Variants in E2F4 observed in about 807,000 individuals in gnomAD.
E2F4 encodes the protein transcription factor E2F4.
Under a neutral mutation model 44.5 loss-of-function variants are expected in E2F4, and 16 were observed. The ratio of observed to expected loss-of-function variants is 0.36; its 90% CI spans 0.24 to 0.55. E2F4 has a LOEUF of 0.55. Among genes scored for constraint, E2F4 ranks in the 20% least tolerant of loss-of-function variants. The pLI is 0.87. For missense variants in E2F4, 473 were observed against 522.1 expected, an observed-to-expected ratio of 0.91 and a Z score of 0.92; for synonymous variants, 242 against 207.2, an observed-to-expected ratio of 1.17 and a Z score of -1.44.
At position 67,196,021 on chromosome 16, in the gene E2F4, C is replaced by T; in HGVS notation, c.1033+15C>T. 2 of 1,612,884 alleles carry T rather than the reference C, an allele frequency of 1.2e-6. No homozygotes were observed. The highest frequency in any genetic ancestry group is 8.5e-7 in the Non-Finnish European group (1 of 1,178,876). On this transcript the variant is annotated intron_variant, in intron 7 of 9. Coordinates refer to ENST00000379378, the MANE Select transcript of E2F4 (RefSeq NM_001950.4). ...CCCCACAGGTGGTGAGTACCTGCCC[C>T]CTGGGGGCAGAGAGAGAGAGTCTAG...
intron 7 of E2F4, among the ~76,000 whole-genome samples, chr16:67,196,369 C>G (rs534346229): frequency 6.6e-6 from 1 of 152,204 alleles, no homozygotes; most frequent in Non-Finnish European, 1.5e-5. Flanking sequence ...GCAGTCACCC[C>G]CCCAGCCCCA....
rs1438612588 is a variant in E2F4 at position 67,193,465 on chromosome 16, C to T, written c.408-7C>T. ...AGGGCATCAGCCATTCTCCTTAACC[C>T]TCACACTTTGGCCTACGTCACTCAT... On this transcript the variant is annotated splice_polypyrimidine_tract_variant and splice_region_variant and intron_variant, in intron 3 of 9. Coordinates refer to ENST00000379378, the MANE Select transcript of E2F4 (RefSeq NM_001950.4). 6.2e-7 allele frequency: 1 copy of T among 1,614,094 alleles called. No individual in the cohort carries two copies. The highest frequency in any genetic ancestry group is 1.3e-5 in the African/African-American group (1 of 74,936).
At chr16:67,192,485 C>G (rs2032902484) in intron 1 of E2F4, 123 bp downstream of exon 1, 6 of 1,302,296 alleles carry the variant, frequency 4.6e-6, no homozygotes, top group Non-Finnish European at 6.0e-6. Flanking sequence ...TGCTTTCTCA[C>G]AGGAGAGAAG....
At chr16:67,196,792 G>A (rs1205134120) in intron 7 of E2F4, among the ~76,000 whole-genome samples, 1 of 152,128 alleles carries the variant, frequency 6.6e-6, no homozygotes, top group African/African-American at 2.4e-5. Flanking sequence ...CCAGCCGTCA[G>A]CCCTAGTTAT....
Position 67,195,280 on chromosome 16 carries a change from G to C in E2F4, c.808+300G>C, listed in dbSNP as rs555009300. 1.3e-4 allele frequency among the ~76,000 whole-genome samples: 20 copies of C among 152,160 alleles called. 1 individual carries two copies. In the South Asian group the frequency reaches 4.2e-3, roughly 32 times the overall value. ...CTCCTGAGTAGCTGGGATTACAGGC[G>C]CCCACCATGCGCAGCTAATTCTCGT... On this transcript the variant is annotated intron_variant, in intron 6 of 9. Coordinates refer to ENST00000379378, the MANE Select transcript of E2F4 (RefSeq NM_001950.4).
chr16:67,196,813 C>CCCTTGGCTCTCACTCTAGTTCTAGTT (rs1195141257), intron 7 of E2F4, among the ~76,000 whole-genome samples: 1 of 152,166 alleles, frequency 6.6e-6, no homozygotes, highest in Non-Finnish European at 1.5e-5. Context: ...CCAGGCCTGA[C>CCCTTGGCTCTCACTCTAGTTCTAGTT]CCTTGGCTCT....
rs774396136 is a variant in E2F4 at position 67,193,525 on chromosome 16, G to T, written c.451+10G>T. ...TGCAGATGCTTTGCTGGTGAGCAGA[G>T]CCTGGGTAGGGGTAAGGGGGTGGGC... On this transcript the variant is annotated intron_variant, in intron 4 of 9. Transcript: ENST00000379378. The T allele has an allele frequency of 6.8e-6, 11 of 1,614,172 alleles. No homozygotes were observed. Among genetic ancestry groups the T allele is most frequent in the Middle Eastern group, 1.7e-4 (1 of 6,042 alleles).
chr16:67,193,754 G>C (rs2032924919), intron 4 of E2F4, among the ~76,000 whole-genome samples: 2 of 152,164 alleles, frequency 1.3e-5, no homozygotes. Context: ...CATCTCTACT[G>C]TTTCCTGGAT....
Position 67,194,821 on chromosome 16 carries a change from C to T in E2F4, c.649C>T (p.Gln217Ter), listed in dbSNP as rs902705985. The stretch of plus-strand genomic sequence containing the variant: ...TGTGCCACCACCTGAAGATTTGCTC[C>T]AGAGCCCATCTGCTGTTTCTACACC... ...VPVPPPEDLLQSPSAVSTPPP... is the reference protein window; with the variant it reads ...VPVPPPEDLL The change falls in exon 6 of 10, where the codon CAG (glutamine) becomes TAG (stop). Residue 217 changes from glutamine (Q) to a stop codon, truncating the protein, a stop_gained. Coordinates refer to ENST00000379378, the MANE Select transcript of E2F4 (RefSeq NM_001950.4). LOFTEE classifies it high-confidence loss of function. The T allele has an allele frequency of 6.2e-7, 1 of 1,614,088 alleles. No individual in the cohort carries two copies. The highest frequency in any genetic ancestry group is 1.3e-5 in the African/African-American group (1 of 74,926).
At chr16:67,195,085 C>A in intron 6 of E2F4, 105 bp downstream of exon 6, 1 of 1,412,824 alleles carries the variant, frequency 7.1e-7, no homozygotes, top group Non-Finnish European at 9.5e-7. Context: ...TGGGGATTGT[C>A]CTTTTCCTGA....
chr16:67,193,600 C>T (rs2032923088), intron 4 of E2F4, 85 bp downstream of exon 4: 2 of 1,458,324 alleles, frequency 1.4e-6, no homozygotes, highest in African/African-American at 1.4e-5. Flanking sequence ...TAGGAGAGTT[C>T]TGTCTCTTAA....
At position 67,195,859 on chromosome 16, in the gene E2F4, A is replaced by G. The variant is rs1196856379; in HGVS notation, c.886A>G (p.Thr296Ala). The G allele has an allele frequency of 1.2e-6, 2 of 1,614,018 alleles. No individual in the cohort carries two copies. The highest frequency in any genetic ancestry group is 1.6e-4 in the Middle Eastern group (1 of 6,062). Residue 296 changes from threonine to alanine, a missense_variant, in exon 7 of 10, where the codon ACC (threonine) becomes GCC (alanine). By Grantham distance (58) the Thr-to-Ala change is moderately conservative. Transcript: ENST00000379378. ...SLPLGPTTLDTRPLQSSALLD... is the reference protein window; with the variant it reads ...SLPLGPTTLDARPLQSSALLD... The stretch of plus-strand genomic sequence containing the variant: ...CCCACTGGGCCCAACAACACTGGAC[A>G]CCCGGCCACTGCAGTCTTCTGCCCT...
chr16:67,194,638 C>T, intron 5 of E2F4, 48 bp from the exon 6 acceptor site: 4 of 1,593,546 alleles, frequency 2.5e-6, no homozygotes, highest in Non-Finnish European at 2.6e-6. Context: ...AGGAGCCAAG[C>T]CTGCTTACAA....
chr16:67,192,997 C>A lies in E2F4; in HGVS notation c.246-12C>A, dbSNP rs769306816. The A allele has an allele frequency of 1.3e-6, 2 of 1,566,318 alleles. No homozygotes were observed. The highest frequency in any genetic ancestry group is 2.4e-5 in the East Asian group (1 of 42,400). On this transcript the variant is annotated splice_polypyrimidine_tract_variant and intron_variant, in intron 2 of 9. Coordinates refer to ENST00000379378, the MANE Select transcript of E2F4 (RefSeq NM_001950.4). ...CTCAGCAGTCCCTCTCAGCCCCACT[C>A]CCTGGGCTCAGGGGTGTGGGGCCTG...
chr16:67,198,890 C>T lies in E2F4; in HGVS notation c.*767C>T. On this transcript the variant is annotated 3_prime_UTR_variant, in exon 10 of 10. Coordinates refer to ENST00000379378, the MANE Select transcript of E2F4 (RefSeq NM_001950.4). ...GAAATTGTAATATTTGTACAGTGTTCAAGTGAATAAAAACCATGCCTAAGG... is the reference window on the plus strand; with the variant it reads ...GAAATTGTAATATTTGTACAGTGTTTAAGTGAATAAAAACCATGCCTAAGG... 2.4e-5 allele frequency: 13 copies of T among 538,538 alleles called. No individual in the cohort carries two copies. The South Asian group carries it at 3.3e-4, about 14-fold the overall frequency. The allele number at this position is 538,538 out of a possible 1,614,324, so 33.4% of individuals were successfully genotyped here.
chr16:67,197,745 C>T, intron 8 of E2F4, 99 bp downstream of exon 8: 5 of 1,598,182 alleles, frequency 3.1e-6, no homozygotes, highest in Non-Finnish European at 4.3e-6. Flanking sequence ...TGTTGTGGCG[C>T]TTATGGTAAC....
Position 67,195,542 on chromosome 16 carries a change from G to A in E2F4, c.809-240G>A, listed in dbSNP as rs532624773. The A allele has an allele frequency of 4.9e-4, 390 of 799,280 alleles. 2 individuals are homozygous for A. The African/African-American group carries it at 5.8e-3, about 12-fold the overall frequency. 49.5% of individuals were successfully genotyped at this position (799,280 alleles called of 1,614,324 possible). A position where few individuals can be genotyped will look rare whatever the true frequency, so the allele number is the denominator to read the frequency against. On this transcript the variant is annotated intron_variant, in intron 6 of 9. Transcript: ENST00000379378. ...GGTGTCTCAATTGCCCTGGTAGCCC[G>A]TCTTGAAGTATGGCCACAGCAGACA...
rs2032960602 is a variant in E2F4, at chr16:67,195,914, G to GCAGCAGCAGCAGCAT, written c.955_956insTCAGCAGCAGCAGCA (p.Ser318_Ser319insIleSerSerSerSer). 6.2e-7 allele frequency: 1 copy of GCAGCAGCAGCAGCAT among 1,605,226 alleles called. No individual in the cohort carries two copies. The highest frequency in any genetic ancestry group is 1.7e-5 in the Admixed American group (1 of 59,862). ...GACAGCAGCAGCAGCAGCAGCAGCA[G>GCAGCAGCAGCAGCAT]CAGCAGCAGCAGCAGCAACAGTAAC... On this transcript the variant is annotated inframe_insertion, in exon 7 of 10. Transcript: ENST00000379378.
In E2F4 at chr16:67,193,111, G is replaced by A. The variant is rs2032913904; in HGVS notation, c.348G>A (p.Gln116=). The part of the protein sequence containing the change: ...ELQQREQELD[Q]HKVWVQQSIR... ...AGCAGCGGGAGCAAGAACTAGACCA[G>A]CACAAGGTGTGGGTGCAGCAGAGCA... is the stretch of plus-strand genomic sequence containing the variant. Residue 116 remains glutamine (Q), a synonymous_variant, in exon 3 of 10, where the codon CAG becomes CAA. Coordinates refer to ENST00000379378, the MANE Select transcript of E2F4 (RefSeq NM_001950.4). 1 of 1,574,376 alleles carries A rather than the reference G, an allele frequency of 6.4e-7. No homozygotes were observed. Among genetic ancestry groups the A allele is most frequent in the Non-Finnish European group, 8.6e-7 (1 of 1,159,596 alleles).
Sources: allele counts gnomAD v4.1 joint callset (sites outside exome capture counted in the v4.1 genomes callset), GRCh38; gene constraint gnomAD v4.1.1; transcripts MANE v1.5; gene names NCBI Gene and HGNC (gene_info 2026-07-23, HGNC 2026-07-21).